APBA2: variants seen among roughly 807,000 people sequenced by gnomAD.
APBA2 encodes the protein amyloid beta precursor protein binding family A member 2, also known as amyloid-beta A4 precursor protein-binding family A member 2.
APBA2 carries 30 observed loss-of-function variants against 75.0 expected under a neutral mutation model. That is an observed-to-expected ratio of 0.40 (90% CI 0.30 to 0.54). The LOEUF is 0.54. Ranked by LOEUF, APBA2 falls within the 20% of genes least tolerant of loss-of-function variation. The probability of loss-of-function intolerance (pLI) is 0.49; values close to 1 mark genes in which losing one functional copy is unlikely to be tolerated. For synonymous variants in APBA2, 444 were observed against 409.6 expected, an observed-to-expected ratio of 1.08 and a Z score of -1.01; for missense variants, 801 against 1,016.1, an observed-to-expected ratio of 0.79 and a Z score of 2.88.
chr15:28,955,530 C>T (rs1479515341), intron 2 of APBA2, among the ~76,000 whole-genome samples: 1 of 152,184 alleles, frequency 6.6e-6, no homozygotes, highest in East Asian at 1.9e-4. Flanking sequence ...GGAGGAACAT[C>T]AGCTCTGTTC....
intron 3 of APBA2, among the ~76,000 whole-genome samples, chr15:29,040,374 GGTA>G (rs1310868991): frequency 6.6e-6 from 1 of 152,254 alleles, no homozygotes; most frequent in African/African-American, 2.4e-5. Flanking sequence ...AGGTGCATCT[GGTA>G]GTAGCGGAAT....
chr15:29,045,553 A>G (rs917651206), intron 3 of APBA2, among the ~76,000 whole-genome samples: 2 of 152,150 alleles, frequency 1.3e-5, no homozygotes, highest in African/African-American at 2.4e-5. Context: ...TGGTCAGATG[A>G]TATCTATTCA....
At chr15:29,039,853 C>T (rs750619912) in intron 3 of APBA2, among the ~76,000 whole-genome samples, 9 of 152,260 alleles carry the variant, frequency 5.9e-5, no homozygotes, top group East Asian at 1.9e-4. Flanking sequence ...ATTCCACTCA[C>T]GGATTAGAAC....
At chr15:28,919,941 T>A (rs1481019285) in intron 1 of APBA2, among the ~76,000 whole-genome samples, 1 of 152,184 alleles carries the variant, frequency 6.6e-6, no homozygotes, top group Non-Finnish European at 1.5e-5. Context: ...TAGCCCGATG[T>A]CTTTGACTCC....
At position 29,020,548 on chromosome 15, in the gene APBA2, G is replaced by A. The variant is rs142867802; in HGVS notation, c.-41+24742G>A. Among the ~76,000 whole-genome samples, 1,241 of 151,982 alleles carry A rather than the reference G, an allele frequency of 8.2e-3. 19 individuals are homozygous for A. Among genetic ancestry groups the A allele is most frequent in the African/African-American group, 0.029 (1,197 of 41,444 alleles). ...CGGCCGGGTGCTGTGGCTCACGCCCGTAATCCCAGCACTTTGAGAGGCCGA... is the reference window on the plus strand; with the variant it reads ...CGGCCGGGTGCTGTGGCTCACGCCCATAATCCCAGCACTTTGAGAGGCCGA... On this transcript the variant is annotated intron_variant, in intron 3 of 14. Coordinates refer to ENST00000683413, the MANE Select transcript of APBA2 (RefSeq NM_001353788.2).
chr15:28,888,896 C>T (rs1264640230), intron 1 of APBA2, among the ~76,000 whole-genome samples: 1 of 152,172 alleles, frequency 6.6e-6, no homozygotes, highest in Non-Finnish European at 1.5e-5. Context: ...AGGCAGGCCT[C>T]CCCGATGTAG....
intron 3 of APBA2, among the ~76,000 whole-genome samples, chr15:29,047,093 A>G (rs1281028468): frequency 6.6e-6 from 1 of 152,230 alleles, no homozygotes; most frequent in Non-Finnish European, 1.5e-5. Context: ...TCTCCATTAA[A>G]TATCTTGCCC....
At chr15:29,066,532 C>T (rs978234496) in intron 4 of APBA2, among the ~76,000 whole-genome samples, 1 of 151,946 alleles carries the variant, frequency 6.6e-6, no homozygotes, top group Non-Finnish European at 1.5e-5. Context: ...AGTAGAGTGG[C>T]GGTGGTCAGG....
chr15:29,023,362 T>C (rs1279745531), intron 3 of APBA2, among the ~76,000 whole-genome samples: 1 of 151,982 alleles, frequency 6.6e-6, no homozygotes, highest in Non-Finnish European at 1.5e-5. Flanking sequence ...TTAAGGGAGT[T>C]TGCTTCTTGG....
intron 1 of APBA2, among the ~76,000 whole-genome samples, chr15:28,894,760 G>A (rs2032359664): frequency 6.6e-6 from 1 of 152,088 alleles, no homozygotes; most frequent in Non-Finnish European, 1.5e-5. Context: ...TCTGCAGCTG[G>A]CTTCCCTAGC....
At chr15:29,022,260 A>G (rs1220271615) in intron 3 of APBA2, among the ~76,000 whole-genome samples, 1 of 152,202 alleles carries the variant, frequency 6.6e-6, no homozygotes, top group East Asian at 1.9e-4. Flanking sequence ...TCCTATCAAC[A>G]GTGCACAAGG....
At position 29,117,207 on chromosome 15, in the gene APBA2, C is replaced by T. The variant is rs1031499751; in HGVS notation, c.*74C>T. The T allele has an allele frequency of 1.4e-5, 21 of 1,450,772 alleles. No individual in the cohort carries two copies. The highest frequency in any genetic ancestry group is 2.3e-5 in the East Asian group (1 of 43,912). 89.9% of individuals were successfully genotyped at this position (1,450,772 alleles called of 1,614,324 possible). A position where few individuals can be genotyped will look rare whatever the true frequency, so the allele number is the denominator to read the frequency against. ...GGCCCAGAGGAGCTGGGAGCCGGGCCGCAGACTTGACCCCGACGCCACAGC... is the reference window on the plus strand; with the variant it reads ...GGCCCAGAGGAGCTGGGAGCCGGGCTGCAGACTTGACCCCGACGCCACAGC... On this transcript the variant is annotated 3_prime_UTR_variant, in exon 15 of 15. Transcript: ENST00000683413.
intron 2 of APBA2, among the ~76,000 whole-genome samples, chr15:28,981,650 C>T (rs555033698): frequency 1.3e-5 from 2 of 152,270 alleles, no homozygotes; most frequent in East Asian, 3.9e-4. Flanking sequence ...CAATCCCATT[C>T]CTCAGTATAT....
intron 10 of APBA2, among the ~76,000 whole-genome samples, chr15:29,103,614 C>T (rs957242466): frequency 1.3e-5 from 2 of 152,212 alleles, no homozygotes; most frequent in African/African-American, 2.4e-5. Context: ...CCCCGCGGAG[C>T]CGGCTCCCCG....
intron 3 of APBA2, among the ~76,000 whole-genome samples, chr15:29,019,599 TTCTGCTGCCG>T (rs2039848693): frequency 6.6e-6 from 1 of 152,226 alleles, no homozygotes; most frequent in African/African-American, 2.4e-5. Flanking sequence ...CTGTGCATTG[TTCTGCTGCCG>T]GAGTTGTTCA....
intron 2 of APBA2, among the ~76,000 whole-genome samples, chr15:28,963,481 G>T (rs2152741573): frequency 6.6e-6 from 1 of 152,224 alleles, no homozygotes; most frequent in Admixed American, 6.5e-5. Flanking sequence ...CTTCCAGATG[G>T]GTTCTCCAAG....
chr15:28,932,176 G>A (rs767961540), intron 2 of APBA2, among the ~76,000 whole-genome samples: 1 of 152,210 alleles, frequency 6.6e-6, no homozygotes, highest in Non-Finnish European at 1.5e-5. Context: ...GGGTGACAGG[G>A]TGGAGCAGAC....
Position 28,993,549 on chromosome 15 carries a change from A to G in APBA2, c.-94-2204A>G, listed in dbSNP as rs1392459754. On this transcript the variant is annotated intron_variant, in intron 2 of 14. Transcript: ENST00000683413. ...CGCAAAGGCTGGGTGTGTGATGCCT[A>G]TAAATAGACACTCAAAACCCGTTCT... 2.0e-5 allele frequency among the ~76,000 whole-genome samples: 3 copies of G among 152,160 alleles called. 1 individual carries two copies. The highest frequency in any genetic ancestry group is 1.5e-5 in the Non-Finnish European group (1 of 67,996).
intron 4 of APBA2, among the ~76,000 whole-genome samples, chr15:29,063,840 C>T (rs902758363): frequency 6.6e-6 from 1 of 152,046 alleles, no homozygotes; most frequent in Non-Finnish European, 1.5e-5. Context: ...ACTAGTGGAC[C>T]TGTCCTCGGG....
Sources: gnomAD v4.1 joint callset for allele counts (sites outside exome capture counted in the v4.1 genomes callset) on GRCh38, gnomAD v4.1.1 for gene constraint, MANE v1.5 for transcripts, NCBI Gene and HGNC (gene_info 2026-07-23, HGNC 2026-07-21) for gene names.